ELAPOR2: variants seen among roughly 807,000 people sequenced by gnomAD.
ELAPOR2 encodes the protein endosome-lysosome associated apoptosis and autophagy regulator family member 2, also known as endosome/lysosome-associated apoptosis and autophagy regulator family member 2.
In ELAPOR2, 89 loss-of-function variants were observed where a neutral mutation model predicts 120.7. The observed-to-expected ratio is 0.74, with a 90% CI of 0.62 to 0.88. ELAPOR2 has a LOEUF of 0.88. Ranked by LOEUF, ELAPOR2 falls within the 40% of genes least tolerant of loss-of-function variation. The pLI is 0.00. For missense variants in ELAPOR2, 1,134 were observed against 1,251.6 expected (o/e 0.91, Z 1.42); for synonymous variants, 444 against 444.9 (o/e 1.00, Z 0.03).
intron 10 of ELAPOR2, among the ~76,000 whole-genome samples, chr7:86,924,644 T>TCACA (rs1309625941): frequency 6.6e-6 from 1 of 152,064 alleles, no homozygotes; most frequent in African/African-American, 2.4e-5. Flanking sequence ...ATACTGAGGC[T>TCACA]TTGTCTTTTC....
At chr7:86,918,648 T>G in intron 11 of ELAPOR2, 104 bp from the exon 12 acceptor site, 1 of 710,746 alleles carries the variant, frequency 1.4e-6, no homozygotes, top group Non-Finnish European at 2.4e-6. Flanking sequence ...TGCTCTTCTC[T>G]TCCTCTAATC....
At chr7:86,911,786 T>A in intron 15 of ELAPOR2, 1 of 533,612 alleles carries the variant, frequency 1.9e-6, no homozygotes, top group Non-Finnish European at 3.5e-6. Flanking sequence ...CCCTGACCCA[T>A]TTTTATGAAA....
chr7:86,901,373 A>G (rs1788717518), intron 18 of ELAPOR2, among the ~76,000 whole-genome samples: 1 of 152,194 alleles, frequency 6.6e-6, no homozygotes, highest in African/African-American at 2.4e-5. Flanking sequence ...TCTCTGAGAG[A>G]TAACTGGACT....
chr7:87,029,351 C>A (rs1319530619), intron 1 of ELAPOR2, among the ~76,000 whole-genome samples: 1 of 152,182 alleles, frequency 6.6e-6, no homozygotes, highest in Non-Finnish European at 1.5e-5. Context: ...ATTCTTAACC[C>A]TGGCTATGCA....
At chr7:86,923,479 C>T (rs1789918990) in intron 10 of ELAPOR2, among the ~76,000 whole-genome samples, 1 of 151,960 alleles carries the variant, frequency 6.6e-6, no homozygotes, top group African/African-American at 2.4e-5. Context: ...TGTTACATAG[C>T]TATATCATAA....
intron 18 of ELAPOR2, among the ~76,000 whole-genome samples, chr7:86,903,049 T>G (rs1353426256): frequency 3.3e-5 from 5 of 152,218 alleles, no homozygotes; most frequent in Admixed American, 3.3e-4. Flanking sequence ...CTGAGTTAAC[T>G]ACCAAAAGCC....
rs78364029 is a variant in ELAPOR2 at position 86,880,388 on chromosome 7, T to C, written c.*83A>G. On this transcript the variant is annotated 3_prime_UTR_variant, in exon 22 of 22. Coordinates refer to ENST00000450689, the MANE Select transcript of ELAPOR2 (RefSeq NM_001142749.3). ...TGTGAGATCACCAATGTGACAGGTATGAGGACAGACCCTAAAATATGGTCC... is the reference window on the plus strand; with the variant it reads ...TGTGAGATCACCAATGTGACAGGTACGAGGACAGACCCTAAAATATGGTCC... The C allele has an allele frequency of 1.8e-3, 1,807 of 985,974 alleles. 23 individuals carry two copies. In the African/African-American group the frequency reaches 0.025, roughly 14 times the overall value. 61.1% of individuals were successfully genotyped at this position (985,974 alleles called of 1,614,324 possible). A position where few individuals can be genotyped will look rare whatever the true frequency, so the allele number is the denominator to read the frequency against.
chr7:86,885,838 T>G (rs778899465), intron 21 of ELAPOR2, among the ~76,000 whole-genome samples: 2 of 152,144 alleles, frequency 1.3e-5, no homozygotes, highest in Non-Finnish European at 2.9e-5. Context: ...GAATATACAG[T>G]AGAACTTGAT....
rs145946644 is a variant in ELAPOR2 at position 86,880,973 on chromosome 7, C to T, written c.3031-443G>A. Reference sequence around the variant, plus strand: ...ACAGCAGAAATAAATAAGGAGAATGCCAACAAGACATTAGATCAGTTGAGT... The same window carrying T: ...ACAGCAGAAATAAATAAGGAGAATGTCAACAAGACATTAGATCAGTTGAGT... On this transcript the variant is annotated intron_variant, in intron 21 of 21. Transcript: ENST00000450689. Among the ~76,000 whole-genome samples the T allele has an allele frequency of 7.0e-4, 107 of 151,918 alleles. 1 individual carries two copies. Among genetic ancestry groups the T allele is most frequent in the African/African-American group, 2.3e-3 (97 of 41,428 alleles).
At chr7:86,957,466 T>A (rs558024149) in intron 2 of ELAPOR2, among the ~76,000 whole-genome samples, 2 of 152,340 alleles carry the variant, frequency 1.3e-5, no homozygotes, top group South Asian at 4.1e-4. Flanking sequence ...ATTCTGTCCA[T>A]GAGAGTTTAC....
chr7:87,029,216 C>T (rs1258468011), intron 1 of ELAPOR2, among the ~76,000 whole-genome samples: 1 of 152,006 alleles, frequency 6.6e-6, no homozygotes, highest in Non-Finnish European at 1.5e-5. Flanking sequence ...GGTAACTAGG[C>T]CAGGGGTAAA....
chr7:86,955,401 C>A (rs965621474), intron 2 of ELAPOR2, among the ~76,000 whole-genome samples: 2 of 151,350 alleles, frequency 1.3e-5, no homozygotes, highest in African/African-American at 4.9e-5. Flanking sequence ...TTTTTTTTAT[C>A]CTGAGGGTAG....
At chr7:86,933,015 TA>T (rs1350646849) in intron 8 of ELAPOR2, among the ~76,000 whole-genome samples, 1 of 151,818 alleles carries the variant, frequency 6.6e-6, no homozygotes, top group Non-Finnish European at 1.5e-5. Context: ...CATTTTTAAA[TA>T]AAATGTTGAA....
At chr7:87,038,022 T>A (rs1794644143) in intron 1 of ELAPOR2, among the ~76,000 whole-genome samples, 1 of 152,208 alleles carries the variant, frequency 6.6e-6, no homozygotes, top group Non-Finnish European at 1.5e-5. Flanking sequence ...CTATAATTTT[T>A]TCCTGTGAGA....
At chr7:86,918,192 T>G (rs1325879050) in intron 12 of ELAPOR2, among the ~76,000 whole-genome samples, 1 of 151,928 alleles carries the variant, frequency 6.6e-6, no homozygotes, top group African/African-American at 2.4e-5. Flanking sequence ...CCCTGGCCTC[T>G]ATCAGTCACC....
chr7:87,036,428 G>A (rs561004386), intron 1 of ELAPOR2, among the ~76,000 whole-genome samples: 1 of 152,292 alleles, frequency 6.6e-6, no homozygotes, highest in Non-Finnish European at 1.5e-5. Flanking sequence ...AAAACTATGT[G>A]AGCTGTTATT....
At chr7:87,000,973 T>C (rs1056803013) in intron 1 of ELAPOR2, among the ~76,000 whole-genome samples, 9 of 152,164 alleles carry the variant, frequency 5.9e-5, no homozygotes, top group African/African-American at 2.2e-4. Flanking sequence ...AATGGAAATA[T>C]TGTAACTCAG....
intron 2 of ELAPOR2, among the ~76,000 whole-genome samples, chr7:86,962,075 AG>A (rs1791734988): frequency 6.6e-6 from 1 of 152,174 alleles, no homozygotes; most frequent in Non-Finnish European, 1.5e-5. Context: ...CCAGGGTTCT[AG>A]AACAACAAAA....
chr7:86,952,653 A>G (rs1482263900), intron 2 of ELAPOR2, among the ~76,000 whole-genome samples: 3 of 152,198 alleles, frequency 2.0e-5, no homozygotes, highest in African/African-American at 7.2e-5. Flanking sequence ...GCAAGTTTCT[A>G]TCTTCCATAA....
Sources: allele counts gnomAD v4.1 joint callset (sites outside exome capture counted in the v4.1 genomes callset), GRCh38; gene constraint gnomAD v4.1.1; transcripts MANE v1.5; gene names NCBI Gene and HGNC (gene_info 2026-07-23, HGNC 2026-07-21).